SCN10A: variants seen among roughly 807,000 people sequenced by gnomAD.
SCN10A encodes sodium channel protein type 10 subunit alpha.
SCN10A carries 162 observed loss-of-function variants against 170.7 expected under a neutral mutation model. That is an observed-to-expected ratio of 0.95 (90% CI 0.84 to 1.08). The LOEUF is 1.08. SCN10A is among the 50% of genes least tolerant of loss of function. The pLI, the probability that SCN10A is intolerant of heterozygous loss-of-function variation, is 0.00. For missense variants in SCN10A, 2,527 were observed against 2,436.9 expected (o/e 1.04, Z -0.78); for synonymous variants, 985 against 904.6 (o/e 1.09, Z -1.59).
intron 26 of SCN10A, among the ~76,000 whole-genome samples, chr3:38,706,089 C>T: frequency 6.6e-6 from 1 of 152,116 alleles, no homozygotes; most frequent in Non-Finnish European, 1.5e-5. Flanking sequence ...CTATCACTCC[C>T]CACTCCCCAT....
intron 4 of SCN10A, among the ~76,000 whole-genome samples, chr3:38,774,423 G>A (rs773899834): frequency 8.5e-5 from 13 of 152,158 alleles, no homozygotes; most frequent in Non-Finnish European, 1.8e-4. Flanking sequence ...TCCTCTCTTT[G>A]GTGGTATTTG....
At chr3:38,749,170 TG>T (rs1434786017) in intron 13 of SCN10A, among the ~76,000 whole-genome samples, 1 of 152,212 alleles carries the variant, frequency 6.6e-6, no homozygotes, top group Non-Finnish European at 1.5e-5. Flanking sequence ...AACATTTTTT[TG>T]GTTTCTATTG....
At chr3:38,755,520 C>A (rs1311697296) in intron 11 of SCN10A, among the ~76,000 whole-genome samples, 1 of 152,102 alleles carries the variant, frequency 6.6e-6, no homozygotes, top group East Asian at 1.9e-4. Flanking sequence ...ACCTGGGAGT[C>A]AAATTGGACT....
intron 1 of SCN10A, among the ~76,000 whole-genome samples, chr3:38,814,678 T>C (rs560888392): frequency 2.0e-5 from 3 of 152,326 alleles, no homozygotes; most frequent in South Asian, 4.1e-4. Flanking sequence ...GGCAAAAACA[T>C]GCTAATGTTT....
chr3:38,739,858 G>A lies in SCN10A; in HGVS notation c.2107-170C>T, dbSNP rs146699775. ...GATTGGCCAGGGTAACAGTCAACGT[G>A]ACAGAATGGAGACATTTCTGCACCA... On this transcript the variant is annotated intron_variant, in intron 14 of 27. Transcript: ENST00000449082. Among the ~76,000 whole-genome samples, 237 of 152,348 alleles carry A rather than the reference G, an allele frequency of 1.6e-3. 1 individual carries two copies. The highest frequency in any genetic ancestry group is 5.5e-3 in the African/African-American group (227 of 41,584).
At chr3:38,739,455 A>G in intron 15 of SCN10A, 60 bp downstream of exon 15, 1 of 1,501,452 alleles carries the variant, frequency 6.7e-7, no homozygotes, top group Non-Finnish European at 9.1e-7. Flanking sequence ...TCCCCAGAGC[A>G]CAGTGTCTTC....
chr3:38,782,648 T>G (rs1001004251), intron 4 of SCN10A, among the ~76,000 whole-genome samples: 7 of 152,096 alleles, frequency 4.6e-5, no homozygotes, highest in African/African-American at 1.7e-4. Flanking sequence ...AAAAGAAGCA[T>G]AGACATTTTA....
intron 12 of SCN10A, 152 bp from the exon 13 acceptor site, chr3:38,750,336 T>C (rs1329196237): frequency 5.2e-6 from 3 of 582,182 alleles, no homozygotes; most frequent in Non-Finnish European, 9.2e-6. Flanking sequence ...CATTAGGTGA[T>C]TTCATCATTC....
chr3:38,772,375 G>A (rs1378802586), intron 4 of SCN10A, among the ~76,000 whole-genome samples: 4 of 151,688 alleles, frequency 2.6e-5, no homozygotes. Flanking sequence ...AATAAAGAGG[G>A]CAGAAGAAGA....
intron 27 of SCN10A, among the ~76,000 whole-genome samples, chr3:38,701,087 T>C (rs555902023): frequency 1.3e-5 from 2 of 152,314 alleles, no homozygotes; most frequent in Admixed American, 1.3e-4. Context: ...TAATAACACC[T>C]GCTTGACAGG....
intron 18 of SCN10A, among the ~76,000 whole-genome samples, chr3:38,724,666 C>A (rs1345215868): frequency 6.6e-6 from 1 of 152,220 alleles, no homozygotes; most frequent in Non-Finnish European, 1.5e-5. Flanking sequence ...TCTGTGAGCA[C>A]CTCCAACTCT....
chr3:38,702,744 T>C (rs2063169982), intron 26 of SCN10A, among the ~76,000 whole-genome samples: 1 of 152,220 alleles, frequency 6.6e-6, no homozygotes, highest in Non-Finnish European at 1.5e-5. Context: ...GCTGTGCAAA[T>C]GCCTAAGCAA....
intron 18 of SCN10A, 86 bp downstream of exon 18, chr3:38,725,088 C>T: frequency 1.5e-6 from 2 of 1,342,092 alleles, no homozygotes; most frequent in Non-Finnish European, 2.0e-6. Context: ...AATACCCCAC[C>T]TTCACCGCCA....
At chr3:38,726,040 T>C (rs760198840) in intron 17 of SCN10A, among the ~76,000 whole-genome samples, 1 of 152,180 alleles carries the variant, frequency 6.6e-6, no homozygotes, top group Non-Finnish European at 1.5e-5. Flanking sequence ...CCTGAGTTAC[T>C]GAGAAGAGGT....
chr3:38,786,592 C>T (rs1157189345), intron 4 of SCN10A, among the ~76,000 whole-genome samples: 6 of 152,108 alleles, frequency 3.9e-5, no homozygotes, highest in Admixed American at 3.3e-4. Flanking sequence ...CAAACCTGCA[C>T]TTTCTGCACA....
At chr3:38,776,823 G>T (rs2064081147) in intron 4 of SCN10A, among the ~76,000 whole-genome samples, 1 of 151,978 alleles carries the variant, frequency 6.6e-6, no homozygotes, top group Non-Finnish European at 1.5e-5. Context: ...TAGCAAAATA[G>T]ATAAAATGAA....
Position 38,712,397 on chromosome 3 carries a change from G to A in SCN10A, c.3853C>T (p.Leu1285Phe). Residue 1285 changes from leucine to phenylalanine, a missense_variant, in exon 23 of 28, where the codon CTC (leucine) becomes TTC (phenylalanine). Physicochemically the swap from Leu to Phe is conservative, Grantham distance 22. Coordinates refer to ENST00000449082, the MANE Select transcript of SCN10A (RefSeq NM_006514.4). ...VGAIPSIMNV[L>F]LVCLIFWLIF... ...AGCCAGAAGATGAGGCAGACGAGGA[G>A]GACATTCATGATGGATGGGATGGCG... is the stretch of plus-strand genomic sequence containing the variant. The A allele has an allele frequency of 6.2e-7, 1 of 1,614,202 alleles. No individual in the cohort carries two copies. The highest frequency in any genetic ancestry group is 8.5e-7 in the Non-Finnish European group (1 of 1,180,032).
At chr3:38,784,003 T>C (rs769453577) in intron 4 of SCN10A, among the ~76,000 whole-genome samples, 5 of 152,158 alleles carry the variant, frequency 3.3e-5, no homozygotes, top group Non-Finnish European at 7.4e-5. Context: ...GGATTTCCAC[T>C]TTTGTAAAGT....
rs755887904 is a variant in SCN10A, at chr3:38,728,610, T to C, written c.2572A>G (p.Met858Val). 1 of 1,612,716 alleles carries C rather than the reference T, an allele frequency of 6.2e-7. No individual in the cohort carries two copies. Among genetic ancestry groups the C allele is most frequent in the Non-Finnish European group, 8.5e-7 (1 of 1,178,800 alleles). Residue 858 changes from methionine to valine, a missense_variant, in exon 16 of 28, where the codon ATG becomes GTG. Transcript: ENST00000449082. ...CATATGGATTTTTGGCCAACTTCCA[T>C]GCAGGCCCACATGTTCTCAATCCAC... Reference protein sequence around the residue: ...GEWIENMWACMEVGQKSICLI... With the variant: ...GEWIENMWACVEVGQKSICLI...
Sources: allele counts gnomAD v4.1 joint callset (sites outside exome capture counted in the v4.1 genomes callset), GRCh38; gene constraint gnomAD v4.1.1; transcripts MANE v1.5; gene names NCBI Gene and HGNC (gene_info 2026-07-23, HGNC 2026-07-21).